The following TOPAZ1 variants were observed in gnomAD, a reference collection of about 807,000 sequenced individuals.
The protein encoded by TOPAZ1 is testis and ovary specific TOPAZ 1, also known as protein TOPAZ1.
A neutral mutation model predicts 172.2 loss-of-function variants in TOPAZ1; 66 were observed. The ratio of observed to expected loss-of-function variants is 0.38; its 90% CI spans 0.31 to 0.47. The LOEUF is 0.47. Ranked by LOEUF, TOPAZ1 falls within the 20% of genes least tolerant of loss-of-function variation. The pLI, the probability that TOPAZ1 is intolerant of heterozygous loss-of-function variation, is 0.99. For missense variants in TOPAZ1, 1,822 were observed against 1,972.4 expected (o/e 0.92, Z 1.44); for synonymous variants, 681 against 683.9 (o/e 1.00, Z 0.07).
At chr3:44,301,994 C>G (rs1700277203) in intron 12 of TOPAZ1, among the ~76,000 whole-genome samples, 1 of 152,070 alleles carries the variant, frequency 6.6e-6, no homozygotes, top group Non-Finnish European at 1.5e-5. Flanking sequence ...ATTTGTATGA[C>G]TTCATTTTTA....
chr3:44,249,191 A>G lies in TOPAZ1; in HGVS notation c.2765+3920A>G, dbSNP rs1699600894. The stretch of plus-strand genomic sequence containing the variant: ...AATGATACCATACAGTGGATTGTTG[A>G]GATTTTAAGAGTCTGCCAAAAATTC... On this transcript the variant is annotated intron_variant, in intron 2 of 19. Coordinates refer to ENST00000309765, the MANE Select transcript of TOPAZ1 (RefSeq NM_001145030.2). Among the ~76,000 whole-genome samples the G allele has an allele frequency of 2.6e-5, 4 of 151,180 alleles. No homozygotes were observed. In the South Asian group the frequency reaches 8.4e-4, roughly 32 times the overall value.
chr3:44,257,964 G>A (rs780415724), intron 4 of TOPAZ1, among the ~76,000 whole-genome samples: 54 of 152,056 alleles, frequency 3.6e-4, no homozygotes, highest in Non-Finnish European at 7.1e-4. Context: ...AGGTTGGCTA[G>A]AGGATTATTA....
Position 44,244,119 on chromosome 3 carries a change from A to G in TOPAZ1, c.1613A>G (p.Gln538Arg). 6.4e-7 allele frequency: 1 copy of G among 1,551,670 alleles called. No individual in the cohort carries two copies. The highest frequency in any genetic ancestry group is 8.7e-7 in the Non-Finnish European group (1 of 1,146,928). The change falls in exon 2 of 20, where the codon CAG (glutamine) becomes CGG (arginine). Residue 538 changes from glutamine (Q) to arginine (R), a missense_variant. Transcript: ENST00000309765. ...GATGTCCCTAAACACCAAACAAACC[A>G]GACCCATTTAACTGACTCCAAATTA... ...QVDVPKHQTN[Q>R]THLTDSKLLL...
chr3:44,277,413 T>C (rs1699972452), intron 8 of TOPAZ1, among the ~76,000 whole-genome samples: 1 of 152,236 alleles, frequency 6.6e-6, no homozygotes, highest in Non-Finnish European at 1.5e-5. Context: ...TGGTTATTTT[T>C]AAATATAAAA....
rs187914521 is a variant in TOPAZ1, at chr3:44,243,908, C to T, written c.1402C>T (p.Arg468Trp). Residue 468 changes from arginine (R) to tryptophan (W), a missense_variant, in exon 2 of 20, where the codon CGG (arginine) becomes TGG (tryptophan). Physicochemically the swap from Arg to Trp is moderately radical, Grantham distance 101. Coordinates refer to ENST00000309765, the MANE Select transcript of TOPAZ1 (RefSeq NM_001145030.2). ...GTACCATATTGAAAGGAGATCTTCA[C>T]GGGAAGACTTAAGAAGTGCATCTGA... ...NEYHIERRSS[R>W]EDLRSASEEL... 195 of 1,552,210 alleles carry T rather than the reference C, an allele frequency of 1.3e-4. No individual in the cohort carries two copies. The African/African-American group carries it at 2.1e-3, about 16-fold the overall frequency.
chr3:44,299,926 G>A (rs1416641442), intron 12 of TOPAZ1, among the ~76,000 whole-genome samples: 1 of 115,120 alleles, frequency 8.7e-6, no homozygotes, highest in Non-Finnish European at 1.7e-5. Flanking sequence ...CACAGGAAGA[G>A]GAACATCACA....
chr3:44,262,471 A>G lies in TOPAZ1; in HGVS notation c.3008A>G (p.Glu1003Gly). ...AAAGAAGAAAAAGAAAATATTTATG[A>G]AGTTTGCAAAAGGTCTGTAACATAA... ...ITKEEKENIYEVCKSKDSRNA... is the reference protein window; with the variant it reads ...ITKEEKENIYGVCKSKDSRNA... Residue 1003 changes from glutamate to glycine, a missense_variant, in exon 5 of 20, where the codon GAA becomes GGA. Around this residue, in one of 2 missense-constraint regions of TOPAZ1, gnomAD observed 1,489 missense variants for 1,490.8 expected, o/e 1.00. Transcript: ENST00000309765. 1 of 1,452,984 alleles carries G rather than the reference A, an allele frequency of 6.9e-7. No individual in the cohort carries two copies. The highest frequency in any genetic ancestry group is 9.4e-7 in the Non-Finnish European group (1 of 1,062,816). The allele number at this position is 1,452,984 out of a possible 1,614,324, so 90.0% of individuals were successfully genotyped here.
intron 9 of TOPAZ1, among the ~76,000 whole-genome samples, chr3:44,282,256 A>G (rs1431557411): frequency 2.0e-5 from 3 of 152,242 alleles, no homozygotes; most frequent in African/African-American, 7.2e-5. Flanking sequence ...TTCATGACTT[A>G]CAAATTTTAT....
intron 2 of TOPAZ1, among the ~76,000 whole-genome samples, chr3:44,247,740 C>T (rs1699582378): frequency 6.6e-6 from 1 of 152,096 alleles, no homozygotes; most frequent in Admixed American, 6.5e-5. Flanking sequence ...ACCTATGCCT[C>T]CCAGGTTCAA....
intron 16 of TOPAZ1, among the ~76,000 whole-genome samples, chr3:44,312,511 C>T (rs1217095896): frequency 6.6e-6 from 1 of 152,164 alleles, no homozygotes; most frequent in African/African-American, 2.4e-5. Flanking sequence ...ACATACATTA[C>T]TCAAGTTTGA....
rs1371221034 is a variant in TOPAZ1, at chr3:44,243,900, G to A, written c.1394G>A (p.Arg465Lys). The change falls in exon 2 of 20, where the codon AGA becomes AAA. Residue 465 changes from arginine to lysine, a missense_variant. Transcript: ENST00000309765. ...CCTAATGAGTACCATATTGAAAGGA[G>A]ATCTTCACGGGAAGACTTAAGAAGT... The part of the protein sequence containing the change: ...KSPNEYHIER[R>K]SSREDLRSAS... The A allele has an allele frequency of 9.7e-6, 15 of 1,552,136 alleles. No homozygotes were observed. Among genetic ancestry groups the A allele is most frequent in the African/African-American group, 4.1e-5 (3 of 73,060 alleles).
chr3:44,270,792 T>C lies in TOPAZ1; in HGVS notation c.3354T>C (p.Pro1118=). Reference sequence around the variant, plus strand: ...CACTGTGCAAGTTTGCTCATGTGCCTGAACAAGGGGATGAAAAGGTAAAAC... The same window carrying C: ...CACTGTGCAAGTTTGCTCATGTGCCCGAACAAGGGGATGAAAAGGTAAAAC... ...ERPLCKFAHV[P]EQGDEKVCMD... is the part of the protein sequence containing the mutation. Residue 1118 remains proline, a synonymous_variant, in exon 8 of 20, where the codon CCT becomes CCC. Coordinates refer to ENST00000309765, the MANE Select transcript of TOPAZ1 (RefSeq NM_001145030.2). 1 of 1,547,158 alleles carries C rather than the reference T, an allele frequency of 6.5e-7. No individual in the cohort carries two copies. The highest frequency in any genetic ancestry group is 8.7e-7 in the Non-Finnish European group (1 of 1,144,964).
At chr3:44,293,754 G>A (rs1454607605) in intron 12 of TOPAZ1, among the ~76,000 whole-genome samples, 2 of 152,114 alleles carry the variant, frequency 1.3e-5, no homozygotes, top group Non-Finnish European at 2.9e-5. Flanking sequence ...TATAGTATTT[G>A]TAAAGTCTAC....
At chr3:44,297,845 G>A (rs995980161) in intron 12 of TOPAZ1, among the ~76,000 whole-genome samples, 2 of 151,498 alleles carry the variant, frequency 1.3e-5, no homozygotes, top group Non-Finnish European at 2.9e-5. Flanking sequence ...TACTGAAAAC[G>A]AACTGGGGAA....
intron 2 of TOPAZ1, among the ~76,000 whole-genome samples, chr3:44,249,469 A>T (rs952151735): frequency 1.3e-5 from 2 of 152,198 alleles, no homozygotes; most frequent in Admixed American, 1.3e-4. Flanking sequence ...AAAAGTACAT[A>T]TAAACATGAT....
intron 12 of TOPAZ1, among the ~76,000 whole-genome samples, chr3:44,300,309 C>T (rs903599181): frequency 2.6e-5 from 4 of 151,848 alleles, no homozygotes; most frequent in African/African-American, 7.3e-5. Flanking sequence ...TGGTACATGC[C>T]TGTAGTCCCA....
intron 12 of TOPAZ1, among the ~76,000 whole-genome samples, chr3:44,297,033 TG>T (rs1182016902): frequency 1.3e-5 from 2 of 151,594 alleles, no homozygotes; most frequent in Non-Finnish European, 2.9e-5. Context: ...TAGCTGGGCA[TG>T]GTGGCACATG....
intron 8 of TOPAZ1, among the ~76,000 whole-genome samples, chr3:44,274,113 C>CTTT (rs377497030): frequency 1.4e-5 from 2 of 141,536 alleles, no homozygotes; most frequent in Admixed American, 7.2e-5. Flanking sequence ...AACCCTGTCT[C>CTTT]TTTTTTTTTT....
rs1038800975 is a variant in TOPAZ1 at position 44,287,565 on chromosome 3, A to G, written c.3588+25A>G. ...GGTAAGTAGCCTGAAAATATATGTT[A>G]TTTTAATATTTTATGTTAATTTCTC... On this transcript the variant is annotated intron_variant, in intron 10 of 19. Coordinates refer to ENST00000309765, the MANE Select transcript of TOPAZ1 (RefSeq NM_001145030.2). 3.7e-6 allele frequency: 5 copies of G among 1,367,552 alleles called. No homozygotes were observed. In the Admixed American group the frequency reaches 9.7e-5, roughly 27 times the overall value. The allele number at this position is 1,367,552 out of a possible 1,614,324, so 84.7% of individuals were successfully genotyped here.
Sources: allele counts gnomAD v4.1 joint callset (sites outside exome capture counted in the v4.1 genomes callset), GRCh38; gene constraint gnomAD v4.1.1; regional missense constraint gnomAD v4.1.1; transcripts MANE v1.5; gene names NCBI Gene and HGNC (gene_info 2026-07-23, HGNC 2026-07-21).